Variants in SHISA9 observed in about 807,000 individuals in gnomAD.
SHISA9 encodes the protein shisa family member 9, also known as protein shisa-9.
SHISA9 carries 13 observed loss-of-function variants against 38.0 expected under a neutral mutation model. That is an observed-to-expected ratio of 0.34 (90% CI 0.22 to 0.54). The LOEUF (loss-of-function observed/expected upper bound fraction) is 0.54, where lower values mean the gene tolerates loss of function less well. SHISA9 is among the 20% of genes least tolerant of loss of function. The pLI, the probability that SHISA9 is intolerant of heterozygous loss-of-function variation, is 0.91. For missense variants in SHISA9, 538 were observed against 575.8 expected (o/e 0.93, Z 0.67); for synonymous variants, 275 against 242.0 (o/e 1.14, Z -1.27).
At chr16:13,309,553 C>T in the SHISA9 span, among the ~76,000 whole-genome samples, 3 of 149,188 alleles carry the variant, frequency 2.0e-5, no homozygotes, top group East Asian at 2.0e-4. Context: ...TGAGGCATGA[C>T]GATCACTTGA....
chr16:13,012,803 C>T (rs1567181275), intron 2 of SHISA9, among the ~76,000 whole-genome samples: 1 of 152,172 alleles, frequency 6.6e-6, no homozygotes, highest in Non-Finnish European at 1.5e-5. Context: ...AGCCCCTCCT[C>T]CCTGGTCTTG....
chr16:13,506,221 C>T, the SHISA9 span, among the ~76,000 whole-genome samples: 1 of 152,120 alleles, frequency 6.6e-6, no homozygotes, highest in East Asian at 1.9e-4. Context: ...CATTCCTTCA[C>T]CCAGGCATTT....
chr16:13,295,654 G>A, the SHISA9 span, among the ~76,000 whole-genome samples: 12 of 152,142 alleles, frequency 7.9e-5, no homozygotes, highest in Non-Finnish European at 1.5e-5. Flanking sequence ...CAGAGGGCTA[G>A]GCAGGTAAGA....
At chr16:13,548,405 A>G in the SHISA9 span, among the ~76,000 whole-genome samples, 3 of 152,196 alleles carry the variant, frequency 2.0e-5, no homozygotes, top group African/African-American at 7.2e-5. Context: ...GAAGGAAACA[A>G]CAGAGTGAAG....
chr16:13,260,691 C>A, the SHISA9 span, among the ~76,000 whole-genome samples: 1 of 152,222 alleles, frequency 6.6e-6, no homozygotes, highest in Non-Finnish European at 1.5e-5. Flanking sequence ...CCCACATTTT[C>A]CTGTCTTCTT....
At chr16:13,096,391 GAAGCCAAGTGGTT>G (rs147524959) in intron 2 of SHISA9, among the ~76,000 whole-genome samples, 3,127 of 152,220 alleles carry the variant, frequency 0.021, 50 homozygotes, top group Admixed American at 0.047. Context: ...GATTAGTGGG[GAAGCCAAGTGGTT>G]AAAGCAATAA....
chr16:12,911,139 C>A, intron 1 of SHISA9: 1 of 490,092 alleles, frequency 2.0e-6, no homozygotes, highest in Non-Finnish European at 2.7e-6. Context: ...GGAGTGTGGC[C>A]TGTGAACCAG....
In SHISA9 at chr16:13,213,284, A is replaced by C; in HGVS notation, c.879A>C (p.Thr293=). ...CTGATGGTGACTGGGCAGTATCGACACTTAAGTCACCAAAAGGTACTGTAC... is the reference window on the plus strand; with the variant it reads ...CTGATGGTGACTGGGCAGTATCGACCCTTAAGTCACCAAAAGGTACTGTAC... ...GSSDGDWAVS[T]LKSPKADKVN... is the part of the protein sequence containing the mutation. The change falls in exon 4 of 5, where the codon ACA becomes ACC. Residue 293 remains threonine (T), a synonymous_variant. Coordinates refer to ENST00000558583, the MANE Select transcript of SHISA9 (RefSeq NM_001145204.3). The C allele has an allele frequency of 2.6e-6, 4 of 1,551,818 alleles. No homozygotes were observed. Among genetic ancestry groups the C allele is most frequent in the Non-Finnish European group, 3.5e-6 (4 of 1,146,990 alleles).
At chr16:13,041,947 C>G (rs532051302) in intron 2 of SHISA9, among the ~76,000 whole-genome samples, 2 of 152,206 alleles carry the variant, frequency 1.3e-5, no homozygotes, top group Non-Finnish European at 2.9e-5. Context: ...GGGGCTCCCC[C>G]TCTCCCTCTT....
At chr16:13,355,411 T>C in the SHISA9 span, among the ~76,000 whole-genome samples, 1 of 151,208 alleles carries the variant, frequency 6.6e-6, no homozygotes, top group African/African-American at 2.4e-5. Context: ...TACTTGTGGG[T>C]TAAGGTGGGG....
chr16:13,290,406 G>A, the SHISA9 span, among the ~76,000 whole-genome samples: 15 of 151,968 alleles, frequency 9.9e-5, no homozygotes, highest in East Asian at 1.9e-4. Flanking sequence ...TGAGCACACC[G>A]AGAATGAGAT....
chr16:13,455,737 A>T, the SHISA9 span, among the ~76,000 whole-genome samples: 12 of 152,276 alleles, frequency 7.9e-5, no homozygotes, highest in African/African-American at 2.9e-4. Context: ...ATTACCCCTC[A>T]GCTTTTTAGT....
At chr16:13,463,307 G>A in the SHISA9 span, among the ~76,000 whole-genome samples, 3 of 152,216 alleles carry the variant, frequency 2.0e-5, no homozygotes, top group Admixed American at 1.3e-4. Context: ...GAACTAAGTA[G>A]CAGGTGTGGA....
intron 2 of SHISA9, among the ~76,000 whole-genome samples, chr16:12,995,314 CA>C (rs2072444590): frequency 6.6e-6 from 1 of 152,154 alleles, no homozygotes; most frequent in Admixed American, 6.5e-5. Flanking sequence ...TGTCAAACAG[CA>C]GGTCTTATTC....
At chr16:13,086,584 T>A (rs75247378) in intron 2 of SHISA9, among the ~76,000 whole-genome samples, 1 of 151,740 alleles carries the variant, frequency 6.6e-6, no homozygotes, top group East Asian at 1.9e-4. Flanking sequence ...AGGTGAGAGA[T>A]GATTGTGGTG....
the SHISA9 span, among the ~76,000 whole-genome samples, chr16:13,392,140 A>G: frequency 8.3e-4 from 127 of 152,296 alleles, no homozygotes; most frequent in African/African-American, 2.7e-3. Flanking sequence ...TACCTCGAAC[A>G]TCCTAAATAC....
chr16:13,217,744 A>C (rs545813545), intron 4 of SHISA9, among the ~76,000 whole-genome samples: 2 of 152,230 alleles, frequency 1.3e-5, no homozygotes, highest in East Asian at 3.9e-4. Flanking sequence ...AATACACTTC[A>C]CTAGGCCGGG....
At chr16:13,260,361 CT>C in the SHISA9 span, among the ~76,000 whole-genome samples, 4 of 152,080 alleles carry the variant, frequency 2.6e-5, no homozygotes, top group Non-Finnish European at 5.9e-5. Context: ...ATTTTCCAAA[CT>C]TTTAAGCTCT....
chr16:13,472,908 A>G, the SHISA9 span, among the ~76,000 whole-genome samples: 1 of 152,326 alleles, frequency 6.6e-6, no homozygotes, highest in South Asian at 2.1e-4. Context: ...TCTTGAATAC[A>G]GTTATAATAA....
Sources: gnomAD v4.1 joint callset for allele counts (sites outside exome capture counted in the v4.1 genomes callset) on GRCh38, gnomAD v4.1.1 for gene constraint, MANE v1.5 for transcripts, NCBI Gene and HGNC (gene_info 2026-07-23, HGNC 2026-07-21) for gene names.